HTR1F: variants seen among roughly 807,000 people sequenced by gnomAD.
HTR1F encodes 5-hydroxytryptamine receptor 1F.
A neutral mutation model predicts 24.0 loss-of-function variants in HTR1F; 17 were observed. The ratio of observed to expected loss-of-function variants is 0.71; its 90% confidence interval spans 0.48 to 1.06. The LOEUF (loss-of-function observed/expected upper bound fraction) is 1.06. Among genes scored for constraint, HTR1F ranks in the 50% least tolerant of loss-of-function variants. HTR1F has a pLI of 0.00. For synonymous variants in HTR1F, 186 were observed against 156.8 expected, an observed-to-expected ratio of 1.19 and a Z score of -1.39; for missense variants, 391 against 427.8, an observed-to-expected ratio of 0.91 and a Z score of 0.76.
At chr3:87,977,532 G>C (rs1047300856) in intron 2 of HTR1F, among the ~76,000 whole-genome samples, 4 of 150,648 alleles carry the variant, frequency 2.7e-5, no homozygotes, top group African/African-American at 9.8e-5. Flanking sequence ...CTGAGTAGCT[G>C]GGACTACAGG....
intron 2 of HTR1F, among the ~76,000 whole-genome samples, chr3:87,851,972 A>C (rs1405451012): frequency 6.6e-6 from 1 of 151,292 alleles, no homozygotes; most frequent in Non-Finnish European, 1.5e-5. Context: ...CAAGCCAAAA[A>C]AAAAAAAAAA....
intron 2 of HTR1F, among the ~76,000 whole-genome samples, chr3:87,984,940 T>C (rs796200624): frequency 6.6e-6 from 1 of 152,348 alleles, no homozygotes; most frequent in Non-Finnish European, 1.5e-5. Flanking sequence ...AATCAACACA[T>C]GTAGACCTGG....
rs138107450 is a variant in HTR1F at position 87,915,737 on chromosome 3, G to A, written c.-42-74971G>A. Among the ~76,000 whole-genome samples the A allele has an allele frequency of 3.8e-3, 582 of 152,258 alleles. 3 individuals carry two copies. Among genetic ancestry groups the A allele is most frequent in the African/African-American group, 0.013 (544 of 41,574 alleles). On this transcript the variant is annotated intron_variant, in intron 2 of 2. Transcript: ENST00000319595. ...AAACAATCAAACCTAAGAATAATTG[G>A]TGTTCCTGAGGAAGAAGAGAAATCT...
intron 2 of HTR1F, among the ~76,000 whole-genome samples, chr3:87,856,779 C>T (rs1705207870): frequency 6.6e-6 from 1 of 152,020 alleles, no homozygotes; most frequent in Non-Finnish European, 1.5e-5. Context: ...TCAGACAAAT[C>T]TTGTATTACA....
chr3:87,991,766 T>G lies in HTR1F; in HGVS notation c.1017T>G (p.Asn339Lys), dbSNP rs1395072631. ...SNFLAWLGYL[N>K]SLINPLIYTI... Reference sequence around the variant, plus strand: ...TTTTGGCATGGCTTGGGTATCTCAATTCCCTTATAAATCCACTGATTTACA... The same window carrying G: ...TTTTGGCATGGCTTGGGTATCTCAAGTCCCTTATAAATCCACTGATTTACA... The change falls in exon 3 of 3, where the codon AAT becomes AAG. Residue 339 changes from asparagine to lysine, a missense_variant. Asn to Lys is a moderately conservative substitution (Grantham distance 94). Transcript: ENST00000319595. 1 of 1,613,380 alleles carries G rather than the reference T, an allele frequency of 6.2e-7. No homozygotes were observed. The highest frequency in any genetic ancestry group is 8.5e-7 in the Non-Finnish European group (1 of 1,179,530).
chr3:87,919,986 T>C (rs925883332), intron 2 of HTR1F, among the ~76,000 whole-genome samples: 6 of 149,930 alleles, frequency 4.0e-5, no homozygotes, highest in Non-Finnish European at 7.4e-5. Context: ...CATCAATCAA[T>C]GAGTGGATAA....
At chr3:87,947,028 G>A (rs986704296) in intron 2 of HTR1F, among the ~76,000 whole-genome samples, 2 of 152,124 alleles carry the variant, frequency 1.3e-5, no homozygotes, top group Admixed American at 1.3e-4. Flanking sequence ...GTGTTGAAAT[G>A]GTTGTGAATA....
chr3:87,824,012 G>T (rs1284923126), intron 2 of HTR1F, among the ~76,000 whole-genome samples: 1 of 149,894 alleles, frequency 6.7e-6, no homozygotes, highest in Admixed American at 6.6e-5. Context: ...AGCCAAGATC[G>T]CACCAGCCTG....
At chr3:87,945,166 T>C (rs1354400565) in intron 2 of HTR1F, among the ~76,000 whole-genome samples, 1 of 151,740 alleles carries the variant, frequency 6.6e-6, no homozygotes, top group African/African-American at 2.4e-5. Flanking sequence ...TCTTAGCCAT[T>C]ACAGACTTGG....
At position 87,991,976 on chromosome 3, in the gene HTR1F, T is replaced by A. The variant is rs531180719; in HGVS notation, c.*126T>A. On this transcript the variant is annotated 3_prime_UTR_variant, in exon 3 of 3. Coordinates refer to ENST00000319595, the MANE Select transcript of HTR1F (RefSeq NM_001322209.2). ...ATGAAAACTGCTAAATTGATAAGGC[T>A]ATAATTTATATTTTAATAGCAATGT... 2.0e-4 allele frequency: 137 copies of A among 701,716 alleles called. No individual in the cohort carries two copies. The highest frequency in any genetic ancestry group is 8.6e-4 in the Middle Eastern group (2 of 2,336). The allele number at this position is 701,716 out of a possible 1,614,324, so 43.5% of individuals were successfully genotyped here.
At chr3:87,863,393 T>C (rs767106599) in intron 2 of HTR1F, among the ~76,000 whole-genome samples, 14 of 152,194 alleles carry the variant, frequency 9.2e-5, no homozygotes, top group South Asian at 6.2e-4. Flanking sequence ...CACTCACAAT[T>C]TACTGTAAGA....
intron 1 of HTR1F, among the ~76,000 whole-genome samples, chr3:87,797,617 T>C (rs1703926505): frequency 6.6e-6 from 1 of 151,942 alleles, no homozygotes; most frequent in Non-Finnish European, 1.5e-5. Flanking sequence ...TGCACATAGA[T>C]TAGCTATTCA....
chr3:87,959,589 T>C (rs954420657), intron 2 of HTR1F, among the ~76,000 whole-genome samples: 1 of 151,942 alleles, frequency 6.6e-6, no homozygotes, highest in Non-Finnish European at 1.5e-5. Flanking sequence ...TTACTTAAAT[T>C]CGCTTTGTTA....
chr3:87,809,130 AT>A (rs1440241757), intron 1 of HTR1F, among the ~76,000 whole-genome samples: 1 of 151,560 alleles, frequency 6.6e-6, no homozygotes, highest in Non-Finnish European at 1.5e-5. Flanking sequence ...TTTTTATTTG[AT>A]TTTCTTGACT....
chr3:87,957,499 T>C (rs750426814), intron 2 of HTR1F, among the ~76,000 whole-genome samples: 4 of 151,376 alleles, frequency 2.6e-5, no homozygotes, highest in Non-Finnish European at 5.9e-5. Context: ...CTTTCTCTTC[T>C]ATTTACTCAA....
intron 2 of HTR1F, among the ~76,000 whole-genome samples, chr3:87,918,956 C>T (rs1050244189): frequency 1.3e-5 from 2 of 152,080 alleles, no homozygotes; most frequent in African/African-American, 4.8e-5. Context: ...GGAGGCATCA[C>T]ATTACCTGAT....
chr3:87,932,185 A>T (rs1370769103), intron 2 of HTR1F, among the ~76,000 whole-genome samples: 1 of 152,074 alleles, frequency 6.6e-6, no homozygotes, highest in Non-Finnish European at 1.5e-5. Flanking sequence ...TAGGTCTAAC[A>T]TTTAAGTCTT....
At chr3:87,882,272 C>T (rs1479222532) in intron 2 of HTR1F, among the ~76,000 whole-genome samples, 2 of 151,646 alleles carry the variant, frequency 1.3e-5, no homozygotes, top group Non-Finnish European at 3.0e-5. Context: ...GGACTGTAAA[C>T]ATCAACCACT....
In HTR1F at chr3:87,830,095, G is replaced by T. The variant is rs190773711; in HGVS notation, c.-43+7971G>T. 1.3e-3 allele frequency among the ~76,000 whole-genome samples: 198 copies of T among 152,012 alleles called. 1 individual carries two copies. Among genetic ancestry groups the T allele is most frequent in the South Asian group, 2.3e-3 (11 of 4,810 alleles). ...TGAATTTTTATTTTGAAAATAATTTGGTAGAACATAAAAACAAAATCTTCT... is the reference window on the plus strand; with the variant it reads ...TGAATTTTTATTTTGAAAATAATTTTGTAGAACATAAAAACAAAATCTTCT... On this transcript the variant is annotated intron_variant, in intron 2 of 2. Transcript: ENST00000319595.
Sources: allele counts gnomAD v4.1 joint callset (sites outside exome capture counted in the v4.1 genomes callset), GRCh38; gene constraint gnomAD v4.1.1; transcripts MANE v1.5; gene names NCBI Gene and HGNC (gene_info 2026-07-23, HGNC 2026-07-21).